PHLDB2: variants seen among roughly 807,000 people sequenced by gnomAD.
PHLDB2 encodes the protein pleckstrin homology-like domain family B member 2.
In PHLDB2, 71 loss-of-function variants were observed where a neutral mutation model predicts 123.6. That is an observed-to-expected ratio of 0.57 (90% CI 0.47 to 0.70). The LOEUF is 0.70. PHLDB2 is among the 30% of genes least tolerant of loss of function. PHLDB2 has a pLI of 0.00. For synonymous variants in PHLDB2, 547 were observed against 541.6 expected, an observed-to-expected ratio of 1.01 and a Z score of -0.14; for missense variants, 1,446 against 1,519.5, an observed-to-expected ratio of 0.95 and a Z score of 0.80.
At chr3:111,958,488 G>A (rs1428870323) in intron 12 of PHLDB2, among the ~76,000 whole-genome samples, 1 of 152,130 alleles carries the variant, frequency 6.6e-6, no homozygotes, top group Admixed American at 6.5e-5. Context: ...GACTTTTCAG[G>A]TCCAATTAGC....
At position 111,884,098 on chromosome 3, in the gene PHLDB2, A is replaced by C; in HGVS notation, c.21A>C (p.Ile7=). 6.2e-7 allele frequency: 1 copy of C among 1,613,804 alleles called. No homozygotes were observed. Among genetic ancestry groups the C allele is most frequent in the Non-Finnish European group, 8.5e-7 (1 of 1,179,870 alleles). The change falls in exon 2 of 18, where the codon ATA becomes ATC. Residue 7 remains isoleucine (I), a synonymous_variant. Coordinates refer to ENST00000431670, the MANE Select transcript of PHLDB2 (RefSeq NM_001134438.2). The part of the protein sequence containing the change: MEEHSY[I]QKELDLQNGS... ...AGATTATGGAAGAGCATAGCTACAT[A>C]CAAAAGGAGCTAGATTTACAAAATG...
intron 1 of PHLDB2, among the ~76,000 whole-genome samples, chr3:111,735,691 GAGAA>G (rs1941665274): frequency 1.3e-5 from 2 of 152,134 alleles, no homozygotes; most frequent in South Asian, 4.1e-4. Context: ...AAAACGCTAG[GAGAA>G]AGAAAGTTGA....
intron 1 of PHLDB2, among the ~76,000 whole-genome samples, chr3:111,831,155 A>G (rs917024729): frequency 1.3e-5 from 2 of 152,168 alleles, no homozygotes; most frequent in South Asian, 2.1e-4. Flanking sequence ...AGGAGATACG[A>G]TAAATAAAAG....
chr3:111,756,072 A>C (rs1409379940), intron 1 of PHLDB2, among the ~76,000 whole-genome samples: 1 of 152,104 alleles, frequency 6.6e-6, no homozygotes, highest in East Asian at 1.9e-4. Context: ...TTTTACTTCC[A>C]ACTATGTGGT....
intron 1 of PHLDB2, among the ~76,000 whole-genome samples, chr3:111,786,363 C>T (rs1256481035): frequency 2.0e-5 from 3 of 152,142 alleles, no homozygotes; most frequent in Non-Finnish European, 2.9e-5. Context: ...GCAGAACCCA[C>T]AGATACAGAG....
chr3:111,739,161 G>A (rs1324114249), intron 1 of PHLDB2, among the ~76,000 whole-genome samples: 1 of 152,124 alleles, frequency 6.6e-6, no homozygotes. Context: ...TTTATCTAGG[G>A]AGATCATTCC....
chr3:111,760,607 C>T (rs2059976233), intron 1 of PHLDB2, among the ~76,000 whole-genome samples: 2 of 151,882 alleles, frequency 1.3e-5, no homozygotes, highest in Admixed American at 6.6e-5. Context: ...ACTCATCTTA[C>T]TCTGGCTTCT....
intron 1 of PHLDB2, among the ~76,000 whole-genome samples, chr3:111,841,479 C>G (rs1484203710): frequency 1.3e-5 from 2 of 152,198 alleles, no homozygotes; most frequent in African/African-American, 4.8e-5. Flanking sequence ...GATTGTAGAA[C>G]TCCAGAACCA....
At chr3:111,786,701 C>T (rs1267782168) in intron 1 of PHLDB2, among the ~76,000 whole-genome samples, 3 of 152,052 alleles carry the variant, frequency 2.0e-5, no homozygotes, top group African/African-American at 7.2e-5. Flanking sequence ...GAATCTTAGG[C>T]AGATCACTTA....
At chr3:111,847,863 T>C (rs1365435824) in intron 2 of PHLDB2, among the ~76,000 whole-genome samples, 1 of 152,152 alleles carries the variant, frequency 6.6e-6, no homozygotes, top group African/African-American at 2.4e-5. Flanking sequence ...GGCAATGTAT[T>C]GGTAATAGGG....
intron 2 of PHLDB2, among the ~76,000 whole-genome samples, chr3:111,901,029 G>A (rs2067164244): frequency 6.6e-6 from 1 of 151,814 alleles, no homozygotes; most frequent in African/African-American, 2.4e-5. Context: ...GCCCTCTTTT[G>A]CATTTCTCTA....
intron 1 of PHLDB2, among the ~76,000 whole-genome samples, chr3:111,863,440 G>C (rs1259564958): frequency 1.3e-5 from 2 of 152,212 alleles, no homozygotes; most frequent in African/African-American, 4.8e-5. Flanking sequence ...AAGTGTTGGG[G>C]AAATTGTGGG....
At chr3:111,882,062 A>G (rs149115240) in intron 1 of PHLDB2, among the ~76,000 whole-genome samples, 3 of 152,318 alleles carry the variant, frequency 2.0e-5, no homozygotes, top group African/African-American at 7.2e-5. Flanking sequence ...CATTTTATGA[A>G]TGTACTTTTT....
intron 1 of PHLDB2, among the ~76,000 whole-genome samples, chr3:111,780,399 A>AGAAGAAGAGGAAGAAG (rs2060408116): frequency 1.3e-5 from 1 of 74,364 alleles, no homozygotes; most frequent in African/African-American, 4.7e-5. Context: ...AAGAAGAAGA[A>AGAAGAAGAGGAAGAAG]GAAGAAGAAG....
chr3:111,747,662 C>T (rs2059701948), intron 1 of PHLDB2, among the ~76,000 whole-genome samples: 1 of 152,158 alleles, frequency 6.6e-6, no homozygotes, highest in African/African-American at 2.4e-5. Context: ...GCCTCTCCCG[C>T]AGGGAAGGGA....
rs148898642 is a variant in PHLDB2, at chr3:111,919,133, G to T, written c.1781G>T (p.Arg594Leu). 1.9e-6 allele frequency: 3 copies of T among 1,613,800 alleles called. No individual in the cohort carries two copies. Among genetic ancestry groups the T allele is most frequent in the Admixed American group, 1.7e-5 (1 of 60,002 alleles). The stretch of plus-strand genomic sequence containing the variant: ...GAGTTGGCTGCAATGGAAGAAACCC[G>T]GATAGTCATTCTGAACAACCTCGAG... ...SQELAAMEET[R>L]IVILNNLEEL... The change falls in exon 4 of 18, where the codon CGG becomes CTG. Residue 594 changes from arginine (R) to leucine (L), a missense_variant. This residue lies in a region of PHLDB2 where 832 missense variants were observed against 831.9 expected (regional missense o/e 1.00). Coordinates refer to ENST00000431670, the MANE Select transcript of PHLDB2 (RefSeq NM_001134438.2).
intron 1 of PHLDB2, among the ~76,000 whole-genome samples, chr3:111,735,372 G>GC (rs1309953710): frequency 6.6e-6 from 1 of 151,972 alleles, no homozygotes; most frequent in Non-Finnish European, 1.5e-5. Flanking sequence ...GCCTTAATCC[G>GC]CCCCCCACCC....
intron 2 of PHLDB2, among the ~76,000 whole-genome samples, chr3:111,897,404 T>C (rs1432946514): frequency 6.6e-6 from 1 of 152,310 alleles, no homozygotes; most frequent in Middle Eastern, 3.4e-3. Flanking sequence ...TGAGTTATAC[T>C]TAGTGGGAGA....
intron 1 of PHLDB2, chr3:111,779,755 T>A (rs967848189): frequency 1.5e-6 from 1 of 666,062 alleles, no homozygotes; most frequent in Admixed American, 6.3e-5. Context: ...CAGGTGCATA[T>A]GTTCTTGTGG....
Sources: gnomAD v4.1 joint callset for allele counts (sites outside exome capture counted in the v4.1 genomes callset) on GRCh38, gnomAD v4.1.1 for gene constraint, gnomAD v4.1.1 regional missense constraint, MANE v1.5 for transcripts, NCBI Gene and HGNC (gene_info 2026-07-23, HGNC 2026-07-21) for gene names.